Variants in SECISBP2L observed in about 807,000 individuals in gnomAD.
The protein encoded by SECISBP2L is selenocysteine insertion sequence-binding protein 2-like.
Under a neutral mutation model 114.7 loss-of-function variants are expected in SECISBP2L, and 43 were observed. The observed-to-expected ratio is 0.38, with a 90% CI of 0.29 to 0.48. The LOEUF is 0.48. Among genes scored for constraint, SECISBP2L ranks in the 20% least tolerant of loss-of-function variants. SECISBP2L has a pLI of 0.98. For synonymous variants in SECISBP2L, 451 were observed against 439.7 expected, an observed-to-expected ratio of 1.03 and a Z score of -0.32; for missense variants, 1,136 against 1,301.1, an observed-to-expected ratio of 0.87 and a Z score of 1.95.
At chr15:49,036,850 T>G (rs1903018797) in intron 2 of SECISBP2L, among the ~76,000 whole-genome samples, 1 of 152,220 alleles carries the variant, frequency 6.6e-6, no homozygotes, top group Admixed American at 6.5e-5. Flanking sequence ...ATTGATTGAC[T>G]CAGCCCTCAG....
rs181138128 is a variant in SECISBP2L at position 48,990,460 on chromosome 15, A to C, written c.*1784T>G. On this transcript the variant is annotated 3_prime_UTR_variant, in exon 18 of 18. Transcript: ENST00000559471. The stretch of plus-strand genomic sequence containing the variant: ...CCTGCTGTGTTCCTTTAAATATTGG[A>C]TATTTAGTGCCTAGGAAGTCTATAC... 1.3e-5 allele frequency: 2 copies of C among 152,414 alleles called. No homozygotes were observed. Among genetic ancestry groups the C allele is most frequent in the East Asian group, 1.9e-4 (1 of 5,192 alleles). 9.4% of individuals were successfully genotyped at this position (152,414 alleles called of 1,614,324 possible).
chr15:49,001,000 G>T lies in SECISBP2L; in HGVS notation c.2125C>A (p.Pro709Thr). The T allele has an allele frequency of 6.2e-7, 1 of 1,613,614 alleles. No homozygotes were observed. The highest frequency in any genetic ancestry group is 8.5e-7 in the Non-Finnish European group (1 of 1,179,796). The change falls in exon 15 of 18, where the codon CCT (proline) becomes ACT (threonine). Residue 709 changes from proline to threonine, a missense_variant. Physicochemically the swap from Pro to Thr is conservative, Grantham distance 38 (BLOSUM62 -1). Transcript: ENST00000559471. The stretch of plus-strand genomic sequence containing the variant: ...CGTCTCCTTGCTTTTGCTCTTACAG[G>T]ATCTTTTTGGTAGATGCGTTCCTGG... The part of the protein sequence containing the change: ...SFQERIYQKD[P>T]VRAKARRRLV...
chr15:49,044,660 G>C (rs1054731029), intron 1 of SECISBP2L, among the ~76,000 whole-genome samples: 1 of 152,108 alleles, frequency 6.6e-6, no homozygotes, highest in East Asian at 1.9e-4. Flanking sequence ...TTTTTTCCTA[G>C]TTCTTAAATT....
At chr15:49,028,298 G>T (rs1008873417) in intron 5 of SECISBP2L, 130 bp from the exon 6 acceptor site, 4 of 983,134 alleles carry the variant, frequency 4.1e-6, no homozygotes, top group African/African-American at 1.7e-5. Context: ...CTTCATAAAT[G>T]AATATTTTTA....
intron 17 of SECISBP2L, among the ~76,000 whole-genome samples, chr15:48,995,673 C>T (rs1171016636): frequency 1.3e-5 from 2 of 152,170 alleles, no homozygotes; most frequent in Admixed American, 6.5e-5. Flanking sequence ...AGAAAGAGAA[C>T]TCAAGAGCTC....
intron 4 of SECISBP2L, 148 bp from the exon 5 acceptor site, chr15:49,028,830 G>C: frequency 1.5e-6 from 1 of 686,888 alleles, no homozygotes; most frequent in Non-Finnish European, 2.4e-6. Flanking sequence ...TCATTAAAAG[G>C]TAAGATGTTC....
intron 14 of SECISBP2L, chr15:49,002,049 T>C (rs1279825349): frequency 6.6e-6 from 1 of 152,218 alleles, no homozygotes; most frequent in Non-Finnish European, 1.5e-5. Flanking sequence ...TCTTTCACAA[T>C]GGTTGAACTA....
chr15:49,016,337 A>T, intron 11 of SECISBP2L: 1 of 399,882 alleles, frequency 2.5e-6, no homozygotes, highest in Non-Finnish European at 4.4e-6. Context: ...CAGGACAGAT[A>T]GGATGTGTTA....
chr15:49,016,969 G>A lies in SECISBP2L; in HGVS notation c.1298C>T (p.Pro433Leu). 6.2e-7 allele frequency: 1 copy of A among 1,613,954 alleles called. No individual in the cohort carries two copies. Among genetic ancestry groups the A allele is most frequent in the Non-Finnish European group, 8.5e-7 (1 of 1,179,914 alleles). ...GGGAACTGAGGTGGTAATAGGAATT[G>A]GAGTCTGAACTATATTGATTGGTGA... ...ENSPINIVQT[P>L]IPITTSVPKR... Residue 433 changes from proline (P) to leucine (L), a missense_variant, in exon 10 of 18, where the codon CCA becomes CTA. This residue lies in a region of SECISBP2L where 684 missense variants were observed against 848.7 expected (regional missense o/e 0.81). Transcript: ENST00000559471.
rs573584596 is a variant in SECISBP2L at position 49,042,988 on chromosome 15, T to C, written c.24+3288A>G. ...GTTGTAGTGAGCTGAGACAGTACCA[T>C]TGCACTCCAGCCTGGGTGACAGAGT... On this transcript the variant is annotated intron_variant, in intron 1 of 17. Transcript: ENST00000559471. 1.4e-3 allele frequency among the ~76,000 whole-genome samples: 210 copies of C among 152,242 alleles called. 1 individual carries two copies. In the South Asian group the frequency reaches 0.017, roughly 13 times the overall value.
intron 17 of SECISBP2L, among the ~76,000 whole-genome samples, chr15:48,995,468 T>C (rs1208375003): frequency 6.6e-6 from 1 of 151,844 alleles, no homozygotes. Context: ...GGAAGGAGAA[T>C]ATGGGAAGAA....
chr15:49,015,324 T>C (rs1902514452), intron 11 of SECISBP2L, among the ~76,000 whole-genome samples: 2 of 152,162 alleles, frequency 1.3e-5, no homozygotes. Flanking sequence ...CATCTCAACA[T>C]GCAACTCTAA....
In SECISBP2L at chr15:49,002,228, C is replaced by T. The variant is rs577014377; in HGVS notation, c.2028-1131G>A. Among the ~76,000 whole-genome samples the T allele has an allele frequency of 4.6e-5, 7 of 152,164 alleles. No homozygotes were observed. In the South Asian group the frequency reaches 6.2e-4, roughly 14 times the overall value. ...GACCAGTGATGATGAGTTTTTCATACGTTTCTTGACCGCATAAACGTCTTC... is the reference window on the plus strand; with the variant it reads ...GACCAGTGATGATGAGTTTTTCATATGTTTCTTGACCGCATAAACGTCTTC... On this transcript the variant is annotated intron_variant, in intron 14 of 17. Transcript: ENST00000559471.
chr15:48,996,032 T>C (rs1387274380), intron 17 of SECISBP2L: 2 of 240,032 alleles, frequency 8.3e-6, no homozygotes, highest in Non-Finnish European at 1.6e-5. Context: ...CCTTAGGAAA[T>C]ATAAAATTTT....
At chr15:49,041,812 A>G (rs900330703) in intron 1 of SECISBP2L, among the ~76,000 whole-genome samples, 1 of 152,214 alleles carries the variant, frequency 6.6e-6, no homozygotes, top group Non-Finnish European at 1.5e-5. Context: ...AAACTTTAAG[A>G]TATTTTACAT....
intron 13 of SECISBP2L, 120 bp from the exon 14 acceptor site, chr15:49,009,498 A>G (rs953036997): frequency 7.4e-6 from 7 of 949,326 alleles, no homozygotes; most frequent in Non-Finnish European, 1.1e-5. Context: ...ATTTTCCAGA[A>G]GCTAATAAGG....
At position 49,009,711 on chromosome 15, in the gene SECISBP2L, T is replaced by TA. The variant is rs201190342; in HGVS notation, c.1865-334dup. ...AAACGTTGTGAGACTTCCATCTCTT[T>TA]AAAAAAAAAACATTCCCTCTCTCTC... is the stretch of plus-strand genomic sequence containing the variant. On this transcript the variant is annotated intron_variant, in intron 13 of 17. Transcript: ENST00000559471. Among the ~76,000 whole-genome samples, 156 of 147,696 alleles carry TA rather than the reference T, an allele frequency of 1.1e-3. No individual in the cohort carries two copies. In the Middle Eastern group the frequency reaches 0.014, roughly 13 times the overall value.
At position 49,035,579 on chromosome 15, in the gene SECISBP2L, T is replaced by C. The variant is rs368286866; in HGVS notation, c.283A>G (p.Ile95Val). ...GAAACAGGCGGCTGAGCAGATATAA[T>C]GGGATAGGCAAAGTATGGTCCAGTA... The part of the protein sequence containing the change: ...NPTGPYFAYP[I>V]ISAQPPVSTE... Residue 95 changes from isoleucine to valine, a missense_variant, in exon 3 of 18, where the codon ATT becomes GTT. Physicochemically the swap from Ile to Val is conservative, Grantham distance 29. Transcript: ENST00000559471. The C allele has an allele frequency of 8.7e-6, 14 of 1,614,054 alleles. No individual in the cohort carries two copies. Among genetic ancestry groups the C allele is most frequent in the African/African-American group, 6.7e-5 (5 of 74,908 alleles).
intron 4 of SECISBP2L, among the ~76,000 whole-genome samples, chr15:49,032,663 G>GA (rs1465924415): frequency 6.6e-6 from 1 of 152,172 alleles, no homozygotes; most frequent in Non-Finnish European, 1.5e-5. Flanking sequence ...TAACCAAAAT[G>GA]AGTTCCTCAA....
Sources: allele counts gnomAD v4.1 joint callset (sites outside exome capture counted in the v4.1 genomes callset), GRCh38; gene constraint gnomAD v4.1.1; regional missense constraint gnomAD v4.1.1; transcripts MANE v1.5; gene names NCBI Gene and HGNC (gene_info 2026-07-23, HGNC 2026-07-21).